CRYZL1: variants seen among roughly 807,000 people sequenced by gnomAD.
CRYZL1 encodes ferry endosomal RAB5 effector complex subunit 4.
CRYZL1 carries 34 observed loss-of-function variants against 50.6 expected under a neutral mutation model. The observed-to-expected ratio is 0.67, with a 90% confidence interval of 0.51 to 0.89. The LOEUF is 0.89. Among genes scored for constraint, CRYZL1 ranks in the 40% least tolerant of loss-of-function variants. CRYZL1 has a pLI of 0.00. For missense variants in CRYZL1, 354 were observed against 402.3 expected (o/e 0.88, Z 1.03); for synonymous variants, 125 against 134.3 (o/e 0.93, Z 0.48).
Position 33,622,086 on chromosome 21 carries a change from C to T in CRYZL1, c.145-18G>A. ...GCCAGAAGCTAAATCATGACAAAGG[C>T]AGTTAACATACTATTGTCAGAAGAA... On this transcript the variant is annotated intron_variant, in intron 3 of 12. Transcript: ENST00000381554. 1.3e-6 allele frequency: 2 copies of T among 1,596,388 alleles called. No individual in the cohort carries two copies. Among genetic ancestry groups the T allele is most frequent in the Non-Finnish European group, 1.7e-6 (2 of 1,164,876 alleles).
At chr21:33,636,220 C>A (rs1238099422) in intron 1 of CRYZL1, among the ~76,000 whole-genome samples, 1 of 151,994 alleles carries the variant, frequency 6.6e-6, no homozygotes, top group Non-Finnish European at 1.5e-5. Flanking sequence ...CAAAGCAAGA[C>A]CCTGTCTCTT....
intron 2 of CRYZL1, among the ~76,000 whole-genome samples, chr21:33,627,405 T>G (rs1012115548): frequency 6.6e-6 from 1 of 152,144 alleles, no homozygotes; most frequent in African/African-American, 2.4e-5. Context: ...GGCCTAAATG[T>G]TTTAGGAGTT....
chr21:33,621,066 C>T (rs1252348454), intron 4 of CRYZL1, among the ~76,000 whole-genome samples: 11 of 148,618 alleles, frequency 7.4e-5, no homozygotes, highest in South Asian at 4.3e-4. Context: ...CCACCTCGCC[C>T]GGCTAATTTT....
At chr21:33,609,946 C>T (rs1176013379) in intron 6 of CRYZL1, among the ~76,000 whole-genome samples, 2 of 150,158 alleles carry the variant, frequency 1.3e-5, no homozygotes, top group South Asian at 2.1e-4. Context: ...CCTTGTGATC[C>T]GCCCGCCTCG....
At chr21:33,632,242 G>C (rs2087146892) in intron 1 of CRYZL1, among the ~76,000 whole-genome samples, 2 of 151,544 alleles carry the variant, frequency 1.3e-5, no homozygotes, top group Admixed American at 6.6e-5. Flanking sequence ...TGAGACAGGA[G>C]AACCGCTTAA....
At chr21:33,627,838 G>A (rs773209588) in intron 2 of CRYZL1, among the ~76,000 whole-genome samples, 68 of 147,762 alleles carry the variant, frequency 4.6e-4, no homozygotes, top group Non-Finnish European at 8.0e-4. Flanking sequence ...TCCGCCTCCC[G>A]GGTTCATACC....
chr21:33,610,151 T>TA (rs1910962850), intron 6 of CRYZL1, among the ~76,000 whole-genome samples: 1 of 150,088 alleles, frequency 6.7e-6, no homozygotes, highest in African/African-American at 2.5e-5. Context: ...CACCCAGCCT[T>TA]AAAGTACTTA....
chr21:33,615,159 T>C (rs1270741717), intron 5 of CRYZL1, among the ~76,000 whole-genome samples: 4 of 148,032 alleles, frequency 2.7e-5, no homozygotes, highest in East Asian at 1.9e-4. Context: ...TCTCTCTTTT[T>C]TTTTTTTTTT....
At chr21:33,631,310 A>C (rs894033124) in intron 2 of CRYZL1, among the ~76,000 whole-genome samples, 176 bp downstream of exon 2, 3 of 152,232 alleles carry the variant, frequency 2.0e-5, no homozygotes, top group Non-Finnish European at 4.4e-5. Flanking sequence ...AAATAGTTAA[A>C]CTACTATATG....
At chr21:33,618,020 T>C (rs966852520) in intron 4 of CRYZL1, among the ~76,000 whole-genome samples, 1 of 152,140 alleles carries the variant, frequency 6.6e-6, no homozygotes. Flanking sequence ...CCGGGCGCGG[T>C]GGCTCACGCC....
intron 1 of CRYZL1, among the ~76,000 whole-genome samples, chr21:33,634,899 AT>A (rs1483940234): frequency 1.3e-3 from 196 of 150,076 alleles, no homozygotes; most frequent in Middle Eastern, 7.0e-3. Context: ...ATATATATAT[AT>A]ATATAAAATA....
At chr21:33,594,382 C>T (rs1326990068) in intron 11 of CRYZL1, 1 of 151,416 alleles carries the variant, frequency 6.6e-6, no homozygotes, top group Non-Finnish European at 1.5e-5. Flanking sequence ...AGGATGGTCT[C>T]GATTTCCTGA....
intron 6 of CRYZL1, among the ~76,000 whole-genome samples, chr21:33,609,997 C>T (rs2086854019): frequency 6.6e-6 from 1 of 150,688 alleles, no homozygotes; most frequent in African/African-American, 2.4e-5. Context: ...AGCCACCATG[C>T]CTAGCCTTTT....
At chr21:33,591,907 G>A (rs778007362) in intron 11 of CRYZL1, among the ~76,000 whole-genome samples, 1 of 151,284 alleles carries the variant, frequency 6.6e-6, no homozygotes, top group Non-Finnish European at 1.5e-5. Context: ...ACAGTGAGCT[G>A]GAATGAGCAC....
At chr21:33,621,877 A>G (rs2087006523) in intron 4 of CRYZL1, 119 bp downstream of exon 4, 3 of 611,658 alleles carry the variant, frequency 4.9e-6, no homozygotes, top group Non-Finnish European at 8.4e-6. Context: ...ACATGTTCAT[A>G]TAATTAAATT....
At chr21:33,631,657 C>T in intron 1 of CRYZL1, 100 bp from the exon 2 acceptor site, 1 of 662,668 alleles carries the variant, frequency 1.5e-6, no homozygotes, top group Non-Finnish European at 2.2e-6. Flanking sequence ...AAAACGACAA[C>T]TACAAATGTA....
At chr21:33,611,713 A>G (rs944488776) in intron 6 of CRYZL1, among the ~76,000 whole-genome samples, 6 of 152,242 alleles carry the variant, frequency 3.9e-5, no homozygotes, top group Non-Finnish European at 7.3e-5. Context: ...GAATTCCAGC[A>G]TAAGAAATAT....
chr21:33,640,260 AACT>A lies in CRYZL1; in HGVS notation c.-7+1418_-7+1420del, dbSNP rs2087264487. 5 of 1,535,270 alleles carry A rather than the reference AACT, an allele frequency of 3.3e-6. No homozygotes were observed. The South Asian group carries it at 6.0e-5, about 18-fold the overall frequency. ...GCTGGCAGCTTTATCTTGTATGGCG[AACT>A]ACCTCACTTTCAAATCTAAACGTCT... On this transcript the variant is annotated intron_variant, in intron 1 of 12. Coordinates refer to ENST00000381554, the MANE Select transcript of CRYZL1 (RefSeq NM_145858.3).
At chr21:33,624,159 T>G (rs1241135610) in intron 3 of CRYZL1, among the ~76,000 whole-genome samples, 1 of 152,204 alleles carries the variant, frequency 6.6e-6, no homozygotes, top group Non-Finnish European at 1.5e-5. Flanking sequence ...ATTTGTATTT[T>G]CATATAAAAT....
Sources: gnomAD v4.1 joint callset for allele counts (sites outside exome capture counted in the v4.1 genomes callset) on GRCh38, gnomAD v4.1.1 for gene constraint, MANE v1.5 for transcripts, NCBI Gene and HGNC (gene_info 2026-07-23, HGNC 2026-07-21) for gene names.